The following SLC11A1 variants were observed in gnomAD, a reference collection of about 807,000 sequenced individuals.
SLC11A1 encodes natural resistance-associated macrophage protein 1.
Under a neutral mutation model 63.2 loss-of-function variants are expected in SLC11A1, and 59 were observed. The ratio of observed to expected loss-of-function variants is 0.93; its 90% CI spans 0.76 to 1.16. The LOEUF (loss-of-function observed/expected upper bound fraction) is 1.16. SLC11A1 is among the 50% of genes most tolerant of loss of function. The pLI, the probability that SLC11A1 is intolerant of heterozygous loss-of-function variation, is 0.00. For synonymous variants in SLC11A1, 305 were observed against 307.8 expected, an observed-to-expected ratio of 0.99 and a Z score of 0.09; for missense variants, 688 against 730.7, an observed-to-expected ratio of 0.94 and a Z score of 0.67.
At chr2:218,385,394 T>C (rs1173706679) in intron 4 of SLC11A1, 128 bp downstream of exon 4, 1 of 1,415,496 alleles carries the variant, frequency 7.1e-7, no homozygotes, top group Non-Finnish European at 9.9e-7. Flanking sequence ...TTTTTGTTGT[T>C]GTTTGTTTGT....
At chr2:218,383,642 G>C (rs1695921971) in intron 2 of SLC11A1, 1 of 152,146 alleles carries the variant, frequency 6.6e-6, no homozygotes, top group South Asian at 2.0e-4. Context: ...ACCATGCCAG[G>C]CTAATTTTTG....
In SLC11A1 at chr2:218,395,682, G is replaced by A. The variant is rs191469856; in HGVS notation, c.*647G>A. On this transcript the variant is annotated 3_prime_UTR_variant, in exon 15 of 15. Transcript: ENST00000233202. ...TGGCCAGGCTGGTCTCGAACTGCTG[G>A]ATTCAAGTGATCCGCCCATCTCCGT... The A allele has an allele frequency of 6.6e-6, 1 of 152,442 alleles. No homozygotes were observed. Among genetic ancestry groups the A allele is most frequent in the African/African-American group, 2.4e-5 (1 of 41,564 alleles). 9.4% of individuals were successfully genotyped at this position (152,442 alleles called of 1,614,324 possible).
chr2:218,393,753 C>G (rs546587100), intron 12 of SLC11A1, among the ~76,000 whole-genome samples: 8 of 152,040 alleles, frequency 5.3e-5, no homozygotes, highest in African/African-American at 1.9e-4. Context: ...GCAAGGATTA[C>G]AGGCATGAGC....
intron 1 of SLC11A1, 68 bp from the exon 2 acceptor site, chr2:218,382,892 C>A: frequency 1.9e-6 from 3 of 1,599,764 alleles, no homozygotes; most frequent in Non-Finnish European, 2.6e-6. Context: ...GGGAAAGGAT[C>A]AGGCGGCTTT....
intron 12 of SLC11A1, 43 bp from the exon 13 acceptor site, chr2:218,394,077 T>C: frequency 6.2e-7 from 1 of 1,606,184 alleles, no homozygotes; most frequent in African/African-American, 1.3e-5. Flanking sequence ...TGCCATATTC[T>C]GAGGCAGAAT....
chr2:218,394,221 A>C, intron 13 of SLC11A1, 28 bp downstream of exon 13: 1 of 1,604,402 alleles, frequency 6.2e-7, no homozygotes, highest in Non-Finnish European at 8.5e-7. Flanking sequence ...CAAGTGCTGG[A>C]TTGCATCACC....
intron 4 of SLC11A1, 82 bp from the exon 5 acceptor site, chr2:218,386,553 C>T: frequency 1.1e-6 from 1 of 943,908 alleles, no homozygotes; most frequent in Non-Finnish European, 1.7e-6. Flanking sequence ...TAAATGTAGT[C>T]TGAGACGACA....
Position 218,395,091 on chromosome 2 carries a change from T to A in SLC11A1, c.*56T>A, listed in dbSNP as rs1023209629. Reference sequence around the variant, plus strand: ...TGTATGACGTGACTGGCCTGCTGGATGTGGAGGGGGCGCGTGCAGGCAGCA... The same window carrying A: ...TGTATGACGTGACTGGCCTGCTGGAAGTGGAGGGGGCGCGTGCAGGCAGCA... On this transcript the variant is annotated 3_prime_UTR_variant, in exon 15 of 15. Coordinates refer to ENST00000233202, the MANE Select transcript of SLC11A1 (RefSeq NM_000578.4). 1 of 1,272,566 alleles carries A rather than the reference T, an allele frequency of 7.9e-7. No homozygotes were observed. Among genetic ancestry groups the A allele is most frequent in the Non-Finnish European group, 1.1e-6 (1 of 952,332 alleles). The allele number at this position is 1,272,566 out of a possible 1,614,324, so 78.8% of individuals were successfully genotyped here. A position where few individuals can be genotyped will look rare whatever the true frequency, so the allele number is the denominator to read the frequency against.
rs1695998929 is a variant in SLC11A1 at position 218,384,954 on chromosome 2, C to T, written c.274-193C>T. Reference sequence around the variant, plus strand: ...CTCAGGCTGCTCTTGAACTCCTGGACTCAAGCAATCCTCCCACCTTAGCCT... The same window carrying T: ...CTCAGGCTGCTCTTGAACTCCTGGATTCAAGCAATCCTCCCACCTTAGCCT... On this transcript the variant is annotated intron_variant, in intron 3 of 14. Transcript: ENST00000233202. The surrounding 1 kb of genome is among the most constrained non-coding windows in gnomAD (Gnocchi z 4.0). 1 of 604,504 alleles carries T rather than the reference C, an allele frequency of 1.7e-6. No homozygotes were observed. The highest frequency in any genetic ancestry group is 1.9e-5 in the South Asian group (1 of 52,128). The allele number at this position is 604,504 out of a possible 1,614,324, so 37.4% of individuals were successfully genotyped here.
At chr2:218,390,728 C>T (rs546580944) in intron 9 of SLC11A1, among the ~76,000 whole-genome samples, 10 of 152,182 alleles carry the variant, frequency 6.6e-5, no homozygotes, top group Non-Finnish European at 1.2e-4. Context: ...CAAGACCAGG[C>T]AGGCGCAGAG....
At chr2:218,382,797 C>T (rs1055720613) in intron 1 of SLC11A1, among the ~76,000 whole-genome samples, 163 bp from the exon 2 acceptor site, 5 of 152,180 alleles carry the variant, frequency 3.3e-5, no homozygotes, top group African/African-American at 1.2e-4. Context: ...TCCCACACAT[C>T]TGGAATGTTT....
chr2:218,393,644 T>C (rs1696583194), intron 12 of SLC11A1, among the ~76,000 whole-genome samples: 2 of 151,880 alleles, frequency 1.3e-5, no homozygotes, highest in South Asian at 4.2e-4. Context: ...ACCCAGCTAA[T>C]TTTTTGTATT....
intron 7 of SLC11A1, 29 bp from the exon 8 acceptor site, chr2:218,387,771 G>A (rs752168592): frequency 1.2e-6 from 2 of 1,611,454 alleles, no homozygotes; most frequent in Non-Finnish European, 1.7e-6. Context: ...GAGGGGCGGG[G>A]CTTGTCCTGA....
chr2:218,386,683 T>TC lies in SLC11A1; in HGVS notation c.444dup (p.Asp149ArgfsTer41). On this transcript the variant is annotated frameshift_variant, in exon 5 of 15. Transcript: ENST00000233202. LOFTEE classifies it high-confidence loss of function. The stretch of plus-strand genomic sequence containing the variant: ...GACCATCGAGCTAGCCATTGTGGGC[T>TC]CCGACATGCAGGAAGTCATCGGCAC... 6.2e-7 allele frequency: 1 copy of TC among 1,614,090 alleles called. No individual in the cohort carries two copies. The highest frequency in any genetic ancestry group is 8.5e-7 in the Non-Finnish European group (1 of 1,180,002).
At chr2:218,385,730 T>C (rs1325683311) in intron 4 of SLC11A1, among the ~76,000 whole-genome samples, 1 of 152,106 alleles carries the variant, frequency 6.6e-6, no homozygotes, top group African/African-American at 2.4e-5. Context: ...AGGCTCAAAC[T>C]GATAGCACAT....
chr2:218,393,920 G>A (rs1046851414), intron 12 of SLC11A1, among the ~76,000 whole-genome samples, 200 bp from the exon 13 acceptor site: 3 of 152,060 alleles, frequency 2.0e-5, no homozygotes, highest in Non-Finnish European at 4.4e-5. Flanking sequence ...AAGCAACCTG[G>A]TGCCAGAGCC....
chr2:218,387,058 C>T (rs1320071586), intron 5 of SLC11A1, 102 bp from the exon 6 acceptor site: 5 of 1,084,510 alleles, frequency 4.6e-6, no homozygotes, highest in East Asian at 4.7e-5. Context: ...CGCTTAGGGT[C>T]CTGCTCCCAG....
intron 5 of SLC11A1, chr2:218,386,951 C>A: frequency 1.5e-6 from 1 of 645,632 alleles, no homozygotes; most frequent in East Asian, 2.7e-5. Context: ...GCCCCAAACT[C>A]CCTGCTGCGC....
At position 218,387,793 on chromosome 2, in the gene SLC11A1, C is replaced by T. The variant is rs781696258; in HGVS notation, c.640-7C>T. 7.5e-6 allele frequency: 12 copies of T among 1,610,132 alleles called. No individual in the cohort carries two copies. The highest frequency in any genetic ancestry group is 6.8e-5 in the Admixed American group (4 of 59,118). On this transcript the variant is annotated splice_region_variant and splice_polypyrimidine_tract_variant and intron_variant, in intron 7 of 14. Transcript: ENST00000233202. ...GGGGCTTGTCCTGACCAGGCTCCTC[C>T]CTGCAGTATGTGGTGGCGCGTCCTG...
Sources: gnomAD v4.1 joint callset for allele counts (sites outside exome capture counted in the v4.1 genomes callset) on GRCh38, gnomAD v4.1.1 for gene constraint, Gnocchi (gnomAD v3.1) non-coding constraint, MANE v1.5 for transcripts, NCBI Gene and HGNC (gene_info 2026-07-23, HGNC 2026-07-21) for gene names.